SPAG9: variants seen among roughly 807,000 people sequenced by gnomAD.
SPAG9 encodes the protein sperm associated antigen 9.
Under a neutral mutation model 166.5 loss-of-function variants are expected in SPAG9, and 35 were observed. The observed-to-expected ratio is 0.21, with a 90% CI of 0.16 to 0.28. SPAG9 has a LOEUF of 0.28. Among genes scored for constraint, SPAG9 ranks in the 10% least tolerant of loss-of-function variants. The pLI is 1.00. For synonymous variants in SPAG9, 534 were observed against 565.5 expected, an observed-to-expected ratio of 0.94 and a Z score of 0.79; for missense variants, 1,235 against 1,603.3, an observed-to-expected ratio of 0.77 and a Z score of 3.92.
At chr17:51,000,877 T>G (rs1022570180) in intron 13 of SPAG9, among the ~76,000 whole-genome samples, 2 of 152,190 alleles carry the variant, frequency 1.3e-5, no homozygotes, top group Non-Finnish European at 2.9e-5. Flanking sequence ...CACTTTCTAG[T>G]GGGTTAGTTT....
intron 9 of SPAG9, among the ~76,000 whole-genome samples, chr17:51,007,560 C>G (rs1196020731): frequency 1.3e-5 from 2 of 152,006 alleles, no homozygotes; most frequent in African/African-American, 4.8e-5. Flanking sequence ...TTTTTTAAAT[C>G]TGAATCGGCT....
At chr17:51,112,931 C>CA (rs1373508013) in intron 1 of SPAG9, among the ~76,000 whole-genome samples, 1 of 137,718 alleles carries the variant, frequency 7.3e-6, no homozygotes, top group East Asian at 2.1e-4. Flanking sequence ...GCCATGATTG[C>CA]ACAACTGCAC....
At chr17:51,009,045 T>A (rs1427025016) in intron 9 of SPAG9, 2 of 371,252 alleles carry the variant, frequency 5.4e-6, no homozygotes, top group Non-Finnish European at 1.1e-5. Flanking sequence ...CAGAAAAAAA[T>A]GATGAGAAAG....
At chr17:51,042,590 C>T (rs1470500205) in intron 4 of SPAG9, 2 of 152,136 alleles carry the variant, frequency 1.3e-5, no homozygotes, top group Non-Finnish European at 2.9e-5. Flanking sequence ...ACAATGAGCT[C>T]ATTAATTAAA....
chr17:51,016,652 T>C (rs1192237449), intron 8 of SPAG9, among the ~76,000 whole-genome samples: 1 of 152,266 alleles, frequency 6.6e-6, no homozygotes, highest in East Asian at 1.9e-4. Context: ...CTCACGCCTG[T>C]AATCCCAGCA....
intron 21 of SPAG9, among the ~76,000 whole-genome samples, chr17:50,988,306 G>A (rs550719189): frequency 6.6e-6 from 1 of 152,266 alleles, no homozygotes; most frequent in African/African-American, 2.4e-5. Context: ...ATGACCTTGA[G>A]CAGTAGGATA....
intron 15 of SPAG9, among the ~76,000 whole-genome samples, chr17:50,997,209 T>C (rs2044721288): frequency 6.6e-6 from 1 of 152,230 alleles, no homozygotes; most frequent in African/African-American, 2.4e-5. Context: ...GTGAATTCAG[T>C]GCCTAAGCTT....
intron 2 of SPAG9, among the ~76,000 whole-genome samples, chr17:51,071,281 A>C (rs2047813845): frequency 6.6e-6 from 1 of 152,228 alleles, no homozygotes; most frequent in Non-Finnish European, 1.5e-5. Flanking sequence ...AAATATAAAA[A>C]GTACTTTCTG....
Position 51,006,154 on chromosome 17 carries a change from A to C in SPAG9, c.1355T>G (p.Leu452Trp). ...CAGTTTGGCTTGCTTCACAGCCTCC[A>C]ATTCCCCTTGCAGCACATCTTTCTC... ...TCEKDVLQGE[L>W]EAVKQAKLKL... The change falls in exon 11 of 30, where the codon TTG (leucine) becomes TGG (tryptophan). Residue 452 changes from leucine (L) to tryptophan (W), a missense_variant. By Grantham distance (61) the Leu-to-Trp change is moderately conservative (BLOSUM62 -2). Around this residue, in one of 6 missense-constraint regions of SPAG9, gnomAD observed 125 missense variants for 194.0 expected, o/e 0.64. Transcript: ENST00000262013. 2 of 1,614,186 alleles carry C rather than the reference A, an allele frequency of 1.2e-6. No homozygotes were observed.
chr17:50,982,033 A>T (rs571081510), intron 25 of SPAG9, among the ~76,000 whole-genome samples: 2 of 151,586 alleles, frequency 1.3e-5, no homozygotes, highest in African/African-American at 4.8e-5. Context: ...ACTCTGTCTC[A>T]GAAAAAAAAA....
At chr17:51,108,835 T>C (rs531277787) in intron 1 of SPAG9, among the ~76,000 whole-genome samples, 3 of 151,986 alleles carry the variant, frequency 2.0e-5, no homozygotes, top group Non-Finnish European at 2.9e-5. Flanking sequence ...TTATTTATTT[T>C]TATTTTTTTT....
At chr17:51,011,204 T>G (rs1004098474) in intron 9 of SPAG9, among the ~76,000 whole-genome samples, 1 of 151,868 alleles carries the variant, frequency 6.6e-6, no homozygotes, top group South Asian at 2.1e-4. Context: ...TGCATGCCTG[T>G]AGTCCCAGCT....
intron 12 of SPAG9, 122 bp downstream of exon 12, chr17:51,005,089 TA>T: frequency 1.2e-6 from 1 of 803,688 alleles, no homozygotes; most frequent in Non-Finnish European, 2.0e-6. Context: ...TTCATGACCA[TA>T]AACATGTCTC....
intron 26 of SPAG9, among the ~76,000 whole-genome samples, chr17:50,977,440 T>C (rs1974285002): frequency 6.6e-6 from 1 of 152,192 alleles, no homozygotes; most frequent in South Asian, 2.1e-4. Context: ...ATTGTCTATC[T>C]GACAATTCAG....
At chr17:51,009,737 T>C (rs1318384027) in intron 9 of SPAG9, among the ~76,000 whole-genome samples, 2 of 152,126 alleles carry the variant, frequency 1.3e-5, no homozygotes, top group East Asian at 3.9e-4. Flanking sequence ...CAAAAAGTCA[T>C]GAGGATACCA....
chr17:50,969,141 C>A (rs1222482394), intron 29 of SPAG9, among the ~76,000 whole-genome samples: 1 of 152,070 alleles, frequency 6.6e-6, no homozygotes, highest in African/African-American at 2.4e-5. Flanking sequence ...CCACTGGAAC[C>A]TTTTCTTTTA....
intron 25 of SPAG9, among the ~76,000 whole-genome samples, chr17:50,981,629 G>T (rs1974647176): frequency 6.6e-6 from 1 of 151,994 alleles, no homozygotes; most frequent in South Asian, 2.1e-4. Flanking sequence ...ATGTGATTTG[G>T]GGGAGGGTGA....
At chr17:51,095,003 A>AGTG in intron 1 of SPAG9, among the ~76,000 whole-genome samples, 1 of 152,324 alleles carries the variant, frequency 6.6e-6, no homozygotes, top group Non-Finnish European at 1.5e-5. Flanking sequence ...TAAAATAAGA[A>AGTG]GTGGTGGCCA....
intron 3 of SPAG9, among the ~76,000 whole-genome samples, chr17:51,050,768 A>G (rs1457808168): frequency 6.6e-6 from 1 of 152,054 alleles, no homozygotes. Flanking sequence ...GTTGTTAGAC[A>G]GAAAAGAGAA....
Sources: gnomAD v4.1 joint callset for allele counts (sites outside exome capture counted in the v4.1 genomes callset) on GRCh38, gnomAD v4.1.1 for gene constraint, gnomAD v4.1.1 regional missense constraint, MANE v1.5 for transcripts, NCBI Gene and HGNC (gene_info 2026-07-23, HGNC 2026-07-21) for gene names.